ROBO2: variants seen among roughly 807,000 people sequenced by gnomAD.
The protein encoded by ROBO2 is roundabout guidance receptor 2.
ROBO2 carries 53 observed loss-of-function variants against 160.8 expected under a neutral mutation model. The ratio of observed to expected loss-of-function variants is 0.33; its 90% CI spans 0.26 to 0.41. The LOEUF (loss-of-function observed/expected upper bound fraction) is 0.41. ROBO2 is among the 10% of genes least tolerant of loss of function. The probability of loss-of-function intolerance (pLI) is 1.00; values close to 1 mark genes in which losing one functional copy is unlikely to be tolerated. For missense variants in ROBO2, 1,577 were observed against 1,722.4 expected (o/e 0.92, Z 1.49); for synonymous variants, 664 against 611.7 (o/e 1.09, Z -1.26).
chr3:76,585,945 T>C (rs1578332611), intron 2 of ROBO2, among the ~76,000 whole-genome samples: 1 of 152,188 alleles, frequency 6.6e-6, no homozygotes, highest in Admixed American at 6.5e-5. Flanking sequence ...AACAGAGGCA[T>C]ATGATTTTCT....
intron 2 of ROBO2, among the ~76,000 whole-genome samples, chr3:77,128,541 G>A (rs751147875): frequency 2.0e-5 from 3 of 152,134 alleles, no homozygotes; most frequent in South Asian, 2.1e-4. Context: ...GCACGTTTTT[G>A]TGTGTACTGT....
chr3:76,630,514 G>T (rs902861884), intron 2 of ROBO2, among the ~76,000 whole-genome samples: 5 of 148,844 alleles, frequency 3.4e-5, no homozygotes, highest in African/African-American at 1.3e-4. Context: ...TATGCTGCAG[G>T]AACTTAACTC....
intron 2 of ROBO2, among the ~76,000 whole-genome samples, chr3:75,967,381 A>G (rs568668534): frequency 9.2e-5 from 14 of 151,744 alleles, no homozygotes; most frequent in African/African-American, 3.4e-4. Context: ...TTCACTACTA[A>G]AAGTGTATAA....
intron 2 of ROBO2, among the ~76,000 whole-genome samples, chr3:77,467,461 C>T (rs192866520): frequency 2.0e-5 from 3 of 152,208 alleles, no homozygotes; most frequent in African/African-American, 7.2e-5. Flanking sequence ...TGTCTGAAGA[C>T]CCGAGGCCCA....
chr3:76,745,613 C>T (rs376188525), intron 2 of ROBO2, among the ~76,000 whole-genome samples: 4 of 151,790 alleles, frequency 2.6e-5, no homozygotes, highest in African/African-American at 9.7e-5. Flanking sequence ...TGATTGTGGC[C>T]CTTTTGTGTG....
At chr3:76,022,258 T>C (rs2066595166) in intron 2 of ROBO2, among the ~76,000 whole-genome samples, 1 of 151,792 alleles carries the variant, frequency 6.6e-6, no homozygotes, top group South Asian at 2.1e-4. Context: ...GTTAAACCCC[T>C]CAAAGTCATC....
intron 2 of ROBO2, among the ~76,000 whole-genome samples, chr3:76,752,750 T>G (rs1020275878): frequency 6.6e-6 from 1 of 151,932 alleles, no homozygotes; most frequent in Non-Finnish European, 1.5e-5. Context: ...TACTAAAGGA[T>G]GCATTAAAGA....
intron 2 of ROBO2, among the ~76,000 whole-genome samples, chr3:76,213,223 G>C (rs969384644): frequency 1.3e-5 from 2 of 151,920 alleles, no homozygotes; most frequent in Non-Finnish European, 2.9e-5. Flanking sequence ...ATTCAACAGA[G>C]GTACTCGCTT....
chr3:77,005,320 C>A (rs1482513319), intron 2 of ROBO2, among the ~76,000 whole-genome samples: 1 of 152,108 alleles, frequency 6.6e-6, no homozygotes, highest in Non-Finnish European at 1.5e-5. Flanking sequence ...TGACGAGCAC[C>A]AAGCACAGTT....
At chr3:76,379,546 C>T (rs1046677583) in intron 2 of ROBO2, among the ~76,000 whole-genome samples, 5 of 151,964 alleles carry the variant, frequency 3.3e-5, no homozygotes, top group African/African-American at 4.8e-5. Flanking sequence ...TACCATGAAA[C>T]GTAAATTAAA....
At chr3:76,468,934 C>G (rs1430353834) in intron 2 of ROBO2, among the ~76,000 whole-genome samples, 1 of 152,102 alleles carries the variant, frequency 6.6e-6, no homozygotes, top group Non-Finnish European at 1.5e-5. Flanking sequence ...TACTTCACGT[C>G]TCTCTTTTAT....
intron 2 of ROBO2, among the ~76,000 whole-genome samples, chr3:76,065,264 A>T (rs1216514001): frequency 3.9e-5 from 6 of 152,128 alleles, no homozygotes; most frequent in Non-Finnish European, 8.8e-5. Context: ...ATTATAGAAT[A>T]TGTTTATCTT....
intron 20 of ROBO2, among the ~76,000 whole-genome samples, chr3:77,603,384 C>T (rs982569441): frequency 6.6e-6 from 1 of 151,858 alleles, no homozygotes; most frequent in Non-Finnish European, 1.5e-5. Context: ...GTTATAGATA[C>T]CAAAAGATGA....
At chr3:76,287,290 T>C (rs983409927) in intron 2 of ROBO2, among the ~76,000 whole-genome samples, 5 of 150,284 alleles carry the variant, frequency 3.3e-5, no homozygotes, top group African/African-American at 1.0e-4. Flanking sequence ...TTCTTTCTTT[T>C]TTTTCTTTTC....
At chr3:76,771,195 A>G (rs1246878101) in intron 2 of ROBO2, among the ~76,000 whole-genome samples, 1 of 151,204 alleles carries the variant, frequency 6.6e-6, no homozygotes, top group African/African-American at 2.4e-5. Context: ...ACATAACCAG[A>G]TTTTCAGGAC....
chr3:77,237,639 C>T (rs1233112759), intron 2 of ROBO2, among the ~76,000 whole-genome samples: 1 of 152,080 alleles, frequency 6.6e-6, no homozygotes, highest in Non-Finnish European at 1.5e-5. Context: ...TATCTATTCA[C>T]CTATTGACAT....
intron 2 of ROBO2, among the ~76,000 whole-genome samples, chr3:76,447,484 C>T (rs1175759798): frequency 1.4e-5 from 2 of 147,728 alleles, no homozygotes; most frequent in Admixed American, 1.4e-4. Flanking sequence ...GTCAGTGTGG[C>T]GATTCCTCAG....
At chr3:77,343,075 AGAG>A (rs1560578476) in intron 2 of ROBO2, among the ~76,000 whole-genome samples, 1 of 122,374 alleles carries the variant, frequency 8.2e-6, no homozygotes, top group Non-Finnish European at 1.8e-5. Context: ...AGAGAGAGAG[AGAG>A]AGAGAGAGAA....
intron 2 of ROBO2, among the ~76,000 whole-genome samples, chr3:77,209,514 G>A (rs2083847740): frequency 6.6e-6 from 1 of 152,176 alleles, no homozygotes; most frequent in East Asian, 1.9e-4. Context: ...TGCAATGAAT[G>A]TCATTAGACA....
Sources: allele counts gnomAD v4.1 joint callset (sites outside exome capture counted in the v4.1 genomes callset), GRCh38; gene constraint gnomAD v4.1.1; transcripts MANE v1.5; gene names NCBI Gene and HGNC (gene_info 2026-07-23, HGNC 2026-07-21).